Variants in CCNJL observed in about 807,000 individuals in gnomAD.
CCNJL encodes the protein cyclin-J-like protein.
Under a neutral mutation model 33.4 loss-of-function variants are expected in CCNJL, and 33 were observed. That is an observed-to-expected ratio of 0.99 (90% confidence interval 0.75 to 1.32). The LOEUF (loss-of-function observed/expected upper bound fraction) is 1.32, where lower values mean the gene tolerates loss of function less well. CCNJL is among the 40% of genes most tolerant of loss of function. CCNJL has a pLI of 0.00. For synonymous variants in CCNJL, 227 were observed against 220.9 expected, an observed-to-expected ratio of 1.03 and a Z score of -0.24; for missense variants, 512 against 499.7, an observed-to-expected ratio of 1.02 and a Z score of -0.23.
At chr5:160,259,400 C>G in intron 4 of CCNJL, 69 bp downstream of exon 4, 2 of 1,451,342 alleles carry the variant, frequency 1.4e-6, no homozygotes, top group East Asian at 4.6e-5. Flanking sequence ...CCTTTTAGAG[C>G]CGCCTGACCC....
At chr5:160,336,486 C>T (rs1293289867) in intron 1 of CCNJL, among the ~76,000 whole-genome samples, 1 of 152,200 alleles carries the variant, frequency 6.6e-6, no homozygotes, top group Non-Finnish European at 1.5e-5. Context: ...GAACAGAATC[C>T]AACCAAGATC....
chr5:160,322,770 G>T (rs1703399860), intron 1 of CCNJL, among the ~76,000 whole-genome samples: 2 of 150,510 alleles, frequency 1.3e-5, no homozygotes, highest in Admixed American at 1.3e-4. Context: ...GCTGGGCGTG[G>T]TTGCGCAGCG....
intron 3 of CCNJL, chr5:160,261,298 A>G (rs1462546204): frequency 1.3e-5 from 2 of 152,188 alleles, no homozygotes; most frequent in Admixed American, 1.3e-4. Flanking sequence ...GTGGGTAACG[A>G]CGACCTGACA....
chr5:160,295,615 G>C (rs1273607605), intron 2 of CCNJL, among the ~76,000 whole-genome samples: 1 of 152,182 alleles, frequency 6.6e-6, no homozygotes, highest in Non-Finnish European at 1.5e-5. Flanking sequence ...CAGAGACAGA[G>C]ACACAGAGGG....
chr5:160,294,573 C>A (rs1273702624), intron 2 of CCNJL, among the ~76,000 whole-genome samples: 3 of 152,230 alleles, frequency 2.0e-5, no homozygotes, highest in African/African-American at 7.2e-5. Flanking sequence ...CACACACATG[C>A]GTGCACAACC....
At chr5:160,313,407 A>G (rs893058517), upstream of CCNJL, among the ~76,000 whole-genome samples, 1 of 152,174 alleles carries the variant, frequency 6.6e-6, no homozygotes, top group Non-Finnish European at 1.5e-5. Flanking sequence ...AGTTAAACCA[A>G]CCTGCTGAAA....
intron 4 of CCNJL, among the ~76,000 whole-genome samples, chr5:160,257,409 A>G (rs1242709477): frequency 3.9e-5 from 6 of 152,092 alleles, no homozygotes; most frequent in Non-Finnish European, 7.4e-5. Flanking sequence ...TGGGAGGCGG[A>G]GCTTGCAGTG....
intron 2 of CCNJL, among the ~76,000 whole-genome samples, chr5:160,307,461 C>T (rs1763128606): frequency 6.6e-6 from 1 of 152,140 alleles, no homozygotes; most frequent in African/African-American, 2.4e-5. Context: ...CCAGCACTCA[C>T]CAAAATCTGT....
chr5:160,269,274 G>C (rs1761732813), intron 3 of CCNJL, among the ~76,000 whole-genome samples: 1 of 152,166 alleles, frequency 6.6e-6, no homozygotes, highest in African/African-American at 2.4e-5. Flanking sequence ...CTTTACACGT[G>C]ACCCAAATAA....
intron 1 of CCNJL, among the ~76,000 whole-genome samples, chr5:160,320,789 C>T (rs867580569): frequency 4.2e-4 from 15 of 35,996 alleles, no homozygotes; most frequent in South Asian, 3.4e-3. Flanking sequence ...TCTTTCTTTC[C>T]TTTCTTTCTT....
In CCNJL at chr5:160,252,022, G is replaced by T. The variant is rs1172229847; in HGVS notation, c.*1356C>A. On this transcript the variant is annotated 3_prime_UTR_variant, in exon 6 of 6. Coordinates refer to ENST00000257536, the MANE Select transcript of CCNJL (RefSeq NM_001308173.3). ...CCACAGTCTCCAGGACTGGCAAGGG[G>T]CTAAGGAATCCAAGACAGGTATTCC... is the stretch of plus-strand genomic sequence containing the variant. 6.6e-6 allele frequency: 1 copy of T among 152,392 alleles called. No individual in the cohort carries two copies. The highest frequency in any genetic ancestry group is 1.5e-5 in the Non-Finnish European group (1 of 68,044). 9.4% of individuals were successfully genotyped at this position (152,392 alleles called of 1,614,324 possible).
upstream of CCNJL, among the ~76,000 whole-genome samples, chr5:160,315,814 C>G (rs1428569462): frequency 6.6e-6 from 1 of 152,146 alleles, no homozygotes; most frequent in East Asian, 1.9e-4. Flanking sequence ...TTCTTCCATT[C>G]AACAACAATG....
At chr5:160,259,971 G>A (rs1342654712) in intron 3 of CCNJL, among the ~76,000 whole-genome samples, 200 bp from the exon 4 acceptor site, 3 of 152,202 alleles carry the variant, frequency 2.0e-5, no homozygotes, top group Admixed American at 1.3e-4. Context: ...TTCCCACTGG[G>A]GGATCATGGC....
intron 2 of CCNJL, among the ~76,000 whole-genome samples, chr5:160,287,516 G>C (rs1231632180): frequency 6.6e-6 from 1 of 152,210 alleles, no homozygotes; most frequent in African/African-American, 2.4e-5. Flanking sequence ...TTTAGTTTGA[G>C]AATCTAGCTG....
intron 3 of CCNJL, among the ~76,000 whole-genome samples, chr5:160,273,982 A>G (rs946445237): frequency 1.3e-5 from 2 of 152,092 alleles, no homozygotes; most frequent in African/African-American, 4.8e-5. Context: ...GCAAATTCGC[A>G]AGAACAGAAC....
chr5:160,305,014 C>A (rs1205362196), intron 2 of CCNJL, among the ~76,000 whole-genome samples: 1 of 151,988 alleles, frequency 6.6e-6, no homozygotes, highest in East Asian at 1.9e-4. Context: ...CGGGGCTTCA[C>A]CTTGTTGGCC....
intron 2 of CCNJL, among the ~76,000 whole-genome samples, chr5:160,302,910 G>A (rs1349294341): frequency 1.3e-5 from 2 of 152,134 alleles, no homozygotes; most frequent in Non-Finnish European, 2.9e-5. Context: ...CAAAGCATAC[G>A]TAATTTATGC....
Position 160,253,492 on chromosome 5 carries a change from G to A in CCNJL, c.1050C>T (p.Ser350=). The A allele has an allele frequency of 6.2e-7, 1 of 1,614,168 alleles. No individual in the cohort carries two copies. Among genetic ancestry groups the A allele is most frequent in the Non-Finnish European group, 8.5e-7 (1 of 1,180,026 alleles). Residue 350 remains serine (S), a synonymous_variant, in exon 6 of 6, where the codon TCC becomes TCT. Coordinates refer to ENST00000257536, the MANE Select transcript of CCNJL (RefSeq NM_001308173.3). ...CTGCAATGGCCATATGCATGCTAAGGGATGCAGGGACGGGCACGGGACACA... is the reference window on the plus strand; with the variant it reads ...CTGCAATGGCCATATGCATGCTAAGAGATGCAGGGACGGGCACGGGACACA... The part of the protein sequence containing the change: ...LDMCPVPVPA[S]LSMHMAIAAE...
chr5:160,269,038 T>C (rs1002964418), intron 3 of CCNJL, among the ~76,000 whole-genome samples: 16 of 152,212 alleles, frequency 1.1e-4, no homozygotes, highest in Non-Finnish European at 5.9e-5. Context: ...CTGAATCAAT[T>C]CCTGAGCCCA....
Sources: allele counts gnomAD v4.1 joint callset (sites outside exome capture counted in the v4.1 genomes callset), GRCh38; gene constraint gnomAD v4.1.1; transcripts MANE v1.5; gene names NCBI Gene and HGNC (gene_info 2026-07-23, HGNC 2026-07-21).